The following UNC13C variants were observed in gnomAD, a reference collection of about 807,000 sequenced individuals.
UNC13C encodes the protein protein unc-13 homolog C.
UNC13C carries 174 observed loss-of-function variants against 245.4 expected under a neutral mutation model. That is an observed-to-expected ratio of 0.71 (90% confidence interval 0.63 to 0.80). The LOEUF is 0.80. UNC13C is among the 30% of genes least tolerant of loss of function. The pLI, the probability that UNC13C is intolerant of heterozygous loss-of-function variation, is 0.00. For synonymous variants in UNC13C, 992 were observed against 895.1 expected, an observed-to-expected ratio of 1.11 and a Z score of -1.93; for missense variants, 2,829 against 2,602.9, an observed-to-expected ratio of 1.09 and a Z score of -1.89.
the UNC13C span, among the ~76,000 whole-genome samples, chr15:53,963,011 A>T: frequency 3.9e-5 from 6 of 152,228 alleles, no homozygotes; most frequent in Admixed American, 6.5e-5. Flanking sequence ...TCTCGACTGC[A>T]TGATTTTTTC....
At chr15:54,035,311 A>G (rs73416914) in intron 2 of UNC13C, among the ~76,000 whole-genome samples, 3,329 of 152,316 alleles carry the variant, frequency 0.022, 121 homozygotes, top group South Asian at 0.13. Context: ...ACATGATTAC[A>G]TATACACACT....
chr15:54,614,595 T>C (rs1900309473), intron 30 of UNC13C, among the ~76,000 whole-genome samples: 2 of 152,034 alleles, frequency 1.3e-5, no homozygotes, highest in Admixed American at 6.6e-5. Context: ...AAAATTACTT[T>C]TTATTTACAC....
At chr15:54,186,459 T>G (rs977939118) in intron 4 of UNC13C, among the ~76,000 whole-genome samples, 1 of 152,178 alleles carries the variant, frequency 6.6e-6, no homozygotes, top group Non-Finnish European at 1.5e-5. Context: ...ACAAAATAAC[T>G]GTATGTAATC....
intron 30 of UNC13C, among the ~76,000 whole-genome samples, chr15:54,600,206 C>G (rs1818704): frequency 0.72 from 108,662 of 151,886 alleles, 39,039 homozygotes; most frequent in East Asian, 0.76. Flanking sequence ...ATATTTGTGT[C>G]AGAACGTGGT....
the UNC13C span, among the ~76,000 whole-genome samples, chr15:53,860,674 A>T: frequency 2.0e-5 from 3 of 151,826 alleles, no homozygotes; most frequent in African/African-American, 7.3e-5. Context: ...CAAACCATTC[A>T]CTCTTCGTAT....
At chr15:54,383,701 AC>A (rs1415213350) in intron 17 of UNC13C, among the ~76,000 whole-genome samples, 1 of 152,140 alleles carries the variant, frequency 6.6e-6, no homozygotes, top group Non-Finnish European at 1.5e-5. Flanking sequence ...AGTAAAAGTC[AC>A]CAAAATTAGA....
At chr15:54,583,700 G>A (rs1898314295) in intron 30 of UNC13C, among the ~76,000 whole-genome samples, 1 of 152,208 alleles carries the variant, frequency 6.6e-6, no homozygotes, top group Non-Finnish European at 1.5e-5. Flanking sequence ...CCTGACCTAA[G>A]TTGTCTGAAG....
intron 25 of UNC13C, among the ~76,000 whole-genome samples, chr15:54,526,628 C>T (rs1466482826): frequency 6.6e-6 from 1 of 150,990 alleles, no homozygotes; most frequent in Middle Eastern, 3.2e-3. Flanking sequence ...CCTGTAGTCC[C>T]AGTTACTCAG....
intron 13 of UNC13C, among the ~76,000 whole-genome samples, chr15:54,302,059 C>A (rs1263405716): frequency 6.6e-6 from 1 of 151,968 alleles, no homozygotes; most frequent in Non-Finnish European, 1.5e-5. Context: ...GCTTTTTTTT[C>A]ATATGTTTCT....
chr15:54,374,509 C>A (rs967816616), intron 17 of UNC13C, among the ~76,000 whole-genome samples: 4 of 152,224 alleles, frequency 2.6e-5, no homozygotes, highest in African/African-American at 9.6e-5. Context: ...TGACAGTGCC[C>A]AGGCTTAGTC....
chr15:53,842,808 A>T, the UNC13C span, among the ~76,000 whole-genome samples: 1 of 151,846 alleles, frequency 6.6e-6, no homozygotes, highest in Non-Finnish European at 1.5e-5. Flanking sequence ...TTATTGCTTA[A>T]GCCAATTTGA....
chr15:54,453,083 G>A (rs1330296870), intron 19 of UNC13C, among the ~76,000 whole-genome samples: 1 of 152,126 alleles, frequency 6.6e-6, no homozygotes, highest in African/African-American at 2.4e-5. Flanking sequence ...CAGTATGAGG[G>A]ACCAAACCTG....
At chr15:54,579,607 A>C (rs1300203543) in intron 30 of UNC13C, among the ~76,000 whole-genome samples, 3 of 152,030 alleles carry the variant, frequency 2.0e-5, no homozygotes, top group African/African-American at 7.2e-5. Context: ...AATACAAAAA[A>C]AATTAGCCAG....
At chr15:53,929,069 G>T in the UNC13C span, among the ~76,000 whole-genome samples, 1 of 152,144 alleles carries the variant, frequency 6.6e-6, no homozygotes, top group African/African-American at 2.4e-5. Flanking sequence ...AAGGAAAGAG[G>T]TTTAATGGAT....
chr15:54,484,365 C>T (rs962056986), intron 19 of UNC13C, among the ~76,000 whole-genome samples: 1 of 152,114 alleles, frequency 6.6e-6, no homozygotes, highest in Non-Finnish European at 1.5e-5. Context: ...TTTCTGTGTT[C>T]ACTTATGCGT....
At chr15:54,197,108 A>G (rs540356931) in intron 4 of UNC13C, among the ~76,000 whole-genome samples, 8 of 152,298 alleles carry the variant, frequency 5.3e-5, no homozygotes, top group African/African-American at 1.9e-4. Context: ...ATAGAAAACA[A>G]AACTTTCATT....
At chr15:54,535,042 A>G (rs1895929413) in intron 26 of UNC13C, among the ~76,000 whole-genome samples, 1 of 152,204 alleles carries the variant, frequency 6.6e-6, no homozygotes, top group Non-Finnish European at 1.5e-5. Context: ...ACAACAGGAT[A>G]AAATCGCACA....
intron 18 of UNC13C, among the ~76,000 whole-genome samples, chr15:54,394,343 A>T (rs2040026575): frequency 6.6e-6 from 1 of 151,520 alleles, no homozygotes; most frequent in Non-Finnish European, 1.5e-5. Context: ...CCCCACACCT[A>T]ATTCTTATAT....
intron 16 of UNC13C, among the ~76,000 whole-genome samples, chr15:54,337,885 G>A (rs1035176132): frequency 3.3e-5 from 5 of 151,960 alleles, no homozygotes; most frequent in South Asian, 2.1e-4. Flanking sequence ...TACTCTTGCC[G>A]TTTATTGTAT....
Sources: allele counts gnomAD v4.1 joint callset (sites outside exome capture counted in the v4.1 genomes callset), GRCh38; gene constraint gnomAD v4.1.1; transcripts MANE v1.5; gene names NCBI Gene and HGNC (gene_info 2026-07-23, HGNC 2026-07-21).